The following ADTRP variants were observed in gnomAD, a reference collection of about 807,000 sequenced individuals.
ADTRP encodes the protein androgen-dependent TFPI-regulating protein.
A neutral mutation model predicts 27.0 loss-of-function variants in ADTRP; 20 were observed. The observed-to-expected ratio is 0.74, with a 90% CI of 0.52 to 1.08. The LOEUF (loss-of-function observed/expected upper bound fraction) is 1.08. Among genes scored for constraint, ADTRP ranks in the 50% least tolerant of loss-of-function variants. The pLI, the probability that ADTRP is intolerant of heterozygous loss-of-function variation, is 0.00. For missense variants in ADTRP, 251 were observed against 275.0 expected (o/e 0.91, Z 0.62); for synonymous variants, 101 against 105.2 (o/e 0.96, Z 0.25).
chr6:11,765,728 T>TA, intron 3 of ADTRP, among the ~76,000 whole-genome samples: 1 of 152,130 alleles, frequency 6.6e-6, no homozygotes, highest in East Asian at 1.9e-4. Context: ...TCCAGTGACC[T>TA]AAAAATCTCA....
chr6:11,767,850 A>G (rs1286046031), intron 2 of ADTRP: 1 of 163,852 alleles, frequency 6.1e-6, no homozygotes, highest in Non-Finnish European at 1.3e-5. Context: ...TGCAGAAGTA[A>G]CATATACTTA....
chr6:11,729,009 C>A (rs781586808), intron 4 of ADTRP, among the ~76,000 whole-genome samples: 1 of 152,168 alleles, frequency 6.6e-6, no homozygotes, highest in Non-Finnish European at 1.5e-5. Context: ...ACTGGGTGGG[C>A]ACCAAATGGC....
intron 1 of ADTRP, among the ~76,000 whole-genome samples, chr6:11,776,740 G>A (rs948836828): frequency 6.6e-5 from 10 of 152,168 alleles, no homozygotes; most frequent in African/African-American, 1.4e-4. Context: ...CTAGTGAGAC[G>A]CAGTCCTTAC....
chr6:11,769,498 G>T (rs1470742327), intron 1 of ADTRP, among the ~76,000 whole-genome samples: 2 of 152,144 alleles, frequency 1.3e-5, no homozygotes, highest in Admixed American at 6.5e-5. Context: ...TAGAAATGCA[G>T]GACCTCCATC....
At chr6:11,770,967 CTGGGGAGAGGCCGCCTCCG>C (rs1200124322) in intron 1 of ADTRP, among the ~76,000 whole-genome samples, 2 of 152,214 alleles carry the variant, frequency 1.3e-5, no homozygotes, top group Non-Finnish European at 2.9e-5. Flanking sequence ...CCTTCCCTCT[CTGGGGAGAGGCCGCCTCCG>C]CCCGGCGTGT....
At chr6:11,729,206 A>C (rs1762308455) in intron 4 of ADTRP, among the ~76,000 whole-genome samples, 1 of 152,166 alleles carries the variant, frequency 6.6e-6, no homozygotes. Flanking sequence ...GTTAACCCTC[A>C]GGTCACGTCT....
At chr6:11,772,629 G>A (rs767378842) in intron 1 of ADTRP, among the ~76,000 whole-genome samples, 14 of 152,214 alleles carry the variant, frequency 9.2e-5, no homozygotes, top group Non-Finnish European at 1.6e-4. Context: ...GACTCAGCCA[G>A]GCGGGACTTT....
At chr6:11,716,156 ACTT>A (rs956568774) in intron 5 of ADTRP, among the ~76,000 whole-genome samples, 4 of 152,164 alleles carry the variant, frequency 2.6e-5, no homozygotes, top group African/African-American at 9.6e-5. Flanking sequence ...GTCAATATAA[ACTT>A]CTCAAATTTC....
intron 3 of ADTRP, among the ~76,000 whole-genome samples, chr6:11,751,097 C>T (rs904932997): frequency 2.6e-5 from 4 of 152,216 alleles, no homozygotes; most frequent in African/African-American, 9.6e-5. Flanking sequence ...GCAATCCACC[C>T]GGCTCAGCCT....
At chr6:11,770,688 T>C (rs936292244) in intron 1 of ADTRP, among the ~76,000 whole-genome samples, 1 of 152,074 alleles carries the variant, frequency 6.6e-6, no homozygotes. Flanking sequence ...TACTTCTCAT[T>C]ATTGCTGGTG....
intron 3 of ADTRP, among the ~76,000 whole-genome samples, chr6:11,764,465 G>GT (rs1380335595): frequency 3.3e-5 from 5 of 152,002 alleles, no homozygotes; most frequent in African/African-American, 9.7e-5. Flanking sequence ...TATTATTTTA[G>GT]TAACAGCTAG....
intron 5 of ADTRP, among the ~76,000 whole-genome samples, chr6:11,715,869 T>C (rs935143604): frequency 2.1e-5 from 3 of 141,434 alleles, no homozygotes; most frequent in African/African-American, 5.3e-5. Flanking sequence ...GGTCTCACTA[T>C]GTTGCTCAGG....
chr6:11,729,469 C>T (rs1304476946), intron 4 of ADTRP, among the ~76,000 whole-genome samples: 2 of 152,114 alleles, frequency 1.3e-5, no homozygotes, highest in South Asian at 2.1e-4. Context: ...TAATTCCTTG[C>T]TACCTTTGCT....
At chr6:11,728,031 T>C (rs1762272780) in intron 4 of ADTRP, among the ~76,000 whole-genome samples, 1 of 152,026 alleles carries the variant, frequency 6.6e-6, no homozygotes, top group Non-Finnish European at 1.5e-5. Context: ...ACATGTCTTC[T>C]ATTTCAGCCA....
intron 3 of ADTRP, among the ~76,000 whole-genome samples, chr6:11,756,571 CA>C (rs1241029259): frequency 1.3e-5 from 2 of 151,468 alleles, no homozygotes; most frequent in Non-Finnish European, 2.9e-5. Context: ...ACAATTATCT[CA>C]AAAAAAAGTT....
intron 4 of ADTRP, among the ~76,000 whole-genome samples, chr6:11,732,187 T>C (rs1367098681): frequency 6.6e-6 from 1 of 152,188 alleles, no homozygotes; most frequent in East Asian, 1.9e-4. Flanking sequence ...AACCACCACA[T>C]GTAAGGCGGT....
intron 5 of ADTRP, among the ~76,000 whole-genome samples, chr6:11,717,659 T>G (rs1338479361): frequency 1.3e-5 from 2 of 152,208 alleles, no homozygotes; most frequent in Non-Finnish European, 2.9e-5. Flanking sequence ...GTTGGGGGGA[T>G]AGCAGGTGTT....
intron 1 of ADTRP, among the ~76,000 whole-genome samples, chr6:11,774,567 C>A (rs1763891427): frequency 1.3e-5 from 2 of 151,918 alleles, no homozygotes; most frequent in South Asian, 2.1e-4. Flanking sequence ...GACGGAGCTG[C>A]CTGGGGCTTG....
chr6:11,715,630 T>C (rs2113863527), intron 5 of ADTRP, among the ~76,000 whole-genome samples: 1 of 148,944 alleles, frequency 6.7e-6, no homozygotes, highest in Middle Eastern at 3.4e-3. Context: ...TGTCTACTTC[T>C]TTCTCTTCTG....
Sources: gnomAD v4.1 joint callset for allele counts (sites outside exome capture counted in the v4.1 genomes callset) on GRCh38, gnomAD v4.1.1 for gene constraint, MANE v1.5 for transcripts, NCBI Gene and HGNC (gene_info 2026-07-23, HGNC 2026-07-21) for gene names.